Variants in ELMOD3 observed in about 807,000 individuals in gnomAD.
The protein encoded by ELMOD3 is ELMO domain-containing protein 3.
A neutral mutation model predicts 47.4 loss-of-function variants in ELMOD3; 36 were observed. The ratio of observed to expected loss-of-function variants is 0.76; its 90% CI spans 0.58 to 1.00. ELMOD3 has a LOEUF of 1.00. Ranked by LOEUF, ELMOD3 falls within the 50% of genes least tolerant of loss-of-function variation. The pLI is 0.00. For missense variants in ELMOD3, 404 were observed against 463.8 expected, an observed-to-expected ratio of 0.87 and a Z score of 1.18; for synonymous variants, 149 against 183.5, an observed-to-expected ratio of 0.81 and a Z score of 1.52.
At chr2:85,387,096 A>T (rs1404909469) in intron 11 of ELMOD3, 13 of 1,301,904 alleles carry the variant, frequency 1.0e-5, no homozygotes, top group Non-Finnish European at 1.3e-5. Flanking sequence ...ATTTATTTTT[A>T]GATTGAAAGA....
intron 11 of ELMOD3, chr2:85,389,489 G>T (rs1241863744): frequency 5.6e-6 from 3 of 540,418 alleles, no homozygotes; most frequent in African/African-American, 1.9e-5. Context: ...TAGCACGGGG[G>T]TTATGCACAT....
chr2:85,371,624 G>A (rs1310053232), intron 10 of ELMOD3, 62 bp downstream of exon 10: 1 of 1,603,296 alleles, frequency 6.2e-7, no homozygotes. Context: ...TAGAGTGAGA[G>A]GCCAGGTCGT....
intron 5 of ELMOD3, 96 bp downstream of exon 5, chr2:85,362,356 G>T: frequency 1.2e-6 from 1 of 833,812 alleles, no homozygotes. Context: ...GGACACAAGG[G>T]TGGCATAGAC....
chr2:85,380,502 T>C (rs1685466303), intron 11 of ELMOD3, among the ~76,000 whole-genome samples: 1 of 152,154 alleles, frequency 6.6e-6, no homozygotes. Flanking sequence ...AGAGCCCCTG[T>C]TAGAGTTTTA....
intron 4 of ELMOD3, among the ~76,000 whole-genome samples, chr2:85,359,592 A>T (rs1162740270): frequency 2.0e-5 from 3 of 151,782 alleles, no homozygotes; most frequent in Non-Finnish European, 4.4e-5. Flanking sequence ...TACAAAAAAA[A>T]TACTTTTTTG....
At chr2:85,377,040 TA>T (rs1401292365) in intron 10 of ELMOD3, 2 of 197,220 alleles carry the variant, frequency 1.0e-5, no homozygotes, top group East Asian at 2.4e-4. Context: ...TCCAGAACTG[TA>T]AATTCAGCCT....
intron 11 of ELMOD3, chr2:85,389,398 G>A (rs1347584088): frequency 3.2e-6 from 1 of 313,782 alleles, no homozygotes; most frequent in Admixed American, 4.7e-5. Flanking sequence ...CTGACACCAG[G>A]AGATGATGTG....
chr2:85,362,312 T>C, intron 5 of ELMOD3, 52 bp downstream of exon 5: 1 of 1,107,404 alleles, frequency 9.0e-7, no homozygotes, highest in Non-Finnish European at 1.4e-6. Flanking sequence ...TGTTGTGTGT[T>C]ACTGTGTGGT....
At chr2:85,386,859 C>T (rs994276300) in intron 11 of ELMOD3, among the ~76,000 whole-genome samples, 1 of 152,098 alleles carries the variant, frequency 6.6e-6, no homozygotes, top group African/African-American at 2.4e-5. Context: ...CAAAATTAGC[C>T]AGGCATGGTG....
At chr2:85,385,580 T>A (rs1273152406) in intron 11 of ELMOD3, among the ~76,000 whole-genome samples, 2 of 152,178 alleles carry the variant, frequency 1.3e-5, no homozygotes, top group Non-Finnish European at 2.9e-5. Context: ...CTTCAGTTAC[T>A]TCAGGCCATC....
intron 4 of ELMOD3, among the ~76,000 whole-genome samples, chr2:85,357,996 G>A (rs1683681200): frequency 6.6e-6 from 1 of 152,118 alleles, no homozygotes; most frequent in Non-Finnish European, 1.5e-5. Context: ...AGAAATATAA[G>A]AGCCTGGAGG....
chr2:85,361,545 A>G (rs1033986608), intron 4 of ELMOD3, among the ~76,000 whole-genome samples: 1 of 152,172 alleles, frequency 6.6e-6, no homozygotes, highest in Non-Finnish European at 1.5e-5. Context: ...CAGAAATCCA[A>G]ATACCACATA....
At position 85,376,535 on chromosome 2, in the gene ELMOD3, C is replaced by T. The variant is rs891216729; in HGVS notation, c.608-809C>T. 6.6e-6 allele frequency among the ~76,000 whole-genome samples: 1 copy of T among 152,152 alleles called. No homozygotes were observed. Among genetic ancestry groups the T allele is most frequent in the African/African-American group, 2.4e-5 (1 of 41,426 alleles). ...GCAGAGGAGGCAAGGGGGCTCCTTACCACTGGGAAAGATAAAGTCCCAGCT... is the reference window on the plus strand; with the variant it reads ...GCAGAGGAGGCAAGGGGGCTCCTTATCACTGGGAAAGATAAAGTCCCAGCT... On this transcript the variant is annotated intron_variant, in intron 10 of 13. Transcript: ENST00000409013. This position sits in a 1 kb window ranked among gnomAD's most constrained non-coding sequence, Gnocchi z 4.2.
intron 10 of ELMOD3, among the ~76,000 whole-genome samples, chr2:85,375,679 A>G (rs1236622333): frequency 6.6e-6 from 1 of 152,256 alleles, no homozygotes; most frequent in Non-Finnish European, 1.5e-5. Context: ...ACAAATTACC[A>G]CAAACCTAGT....
chr2:85,360,089 G>A (rs987465227), intron 4 of ELMOD3, among the ~76,000 whole-genome samples: 1 of 151,854 alleles, frequency 6.6e-6, no homozygotes, highest in Non-Finnish European at 1.5e-5. Flanking sequence ...GAGAAACCCC[G>A]TCTCTACTAA....
chr2:85,377,584 G>A lies in ELMOD3; in HGVS notation c.738+110G>A, dbSNP rs181731994. 7.0e-4 allele frequency: 843 copies of A among 1,199,534 alleles called. 5 individuals carry two copies. Among genetic ancestry groups the A allele is most frequent in the South Asian group, 6.6e-3 (394 of 59,430 alleles). 74.3% of individuals were successfully genotyped at this position (1,199,534 alleles called of 1,614,324 possible). A position where few individuals can be genotyped will look rare whatever the true frequency, so the allele number is the denominator to read the frequency against. ...AGATAAACCAGGAATGGGCTTCCCC[G>A]TCAGTCTGACCTGCATTGAAATATG... On this transcript the variant is annotated intron_variant, in intron 11 of 13. Coordinates refer to ENST00000409013, the MANE Select transcript of ELMOD3 (RefSeq NM_001135022.2).
intron 10 of ELMOD3, among the ~76,000 whole-genome samples, chr2:85,375,635 G>A (rs1685122316): frequency 6.6e-6 from 1 of 152,060 alleles, no homozygotes; most frequent in African/African-American, 2.4e-5. Flanking sequence ...GCATTTTATG[G>A]TAGATCCTAT....
chr2:85,390,420 G>C, intron 13 of ELMOD3, 155 bp downstream of exon 13: 1 of 1,614,118 alleles, frequency 6.2e-7, no homozygotes, highest in Non-Finnish European at 8.5e-7. Context: ...CCCACCCCCT[G>C]GAGTCTGCTA....
intron 11 of ELMOD3, among the ~76,000 whole-genome samples, chr2:85,385,987 G>A (rs1029835523): frequency 6.6e-6 from 1 of 152,168 alleles, no homozygotes; most frequent in Non-Finnish European, 1.5e-5. Context: ...CAGCTGGCCT[G>A]GCGGTGGGCT....
Sources: gnomAD v4.1 joint callset for allele counts (sites outside exome capture counted in the v4.1 genomes callset) on GRCh38, gnomAD v4.1.1 for gene constraint, Gnocchi (gnomAD v3.1) non-coding constraint, MANE v1.5 for transcripts, NCBI Gene and HGNC (gene_info 2026-07-23, HGNC 2026-07-21) for gene names.